PCDHA4: variants seen among roughly 807,000 people sequenced by gnomAD.
The protein encoded by PCDHA4 is protocadherin alpha-4.
PCDHA4 carries 49 observed loss-of-function variants against 61.4 expected under a neutral mutation model. The observed-to-expected ratio is 0.80, with a 90% CI of 0.63 to 1.01. The LOEUF is 1.01. Among genes scored for constraint, PCDHA4 ranks in the 50% least tolerant of loss-of-function variants. The probability of loss-of-function intolerance (pLI) is 0.00; values close to 1 mark genes in which losing one functional copy is unlikely to be tolerated. For missense variants in PCDHA4, 1,254 were observed against 1,235.8 expected (o/e 1.01, Z -0.22); for synonymous variants, 590 against 550.3 (o/e 1.07, Z -1.01).
At chr5:140,850,803 A>T in intron 1 of PCDHA4, 1 of 1,598,380 alleles carries the variant, frequency 6.3e-7, no homozygotes, top group East Asian at 2.2e-5. Flanking sequence ...GACCGACCTC[A>T]TGGCCTTCAG....
At chr5:140,861,759 C>T (rs2047064113) in intron 1 of PCDHA4, 1 of 93,332 alleles carries the variant, frequency 1.1e-5, no homozygotes, top group Non-Finnish European at 2.2e-5. Context: ...GATTATTTTT[C>T]CCTGGAAATA....
chr5:140,870,130 A>T (rs781855370), intron 1 of PCDHA4: 2 of 1,613,866 alleles, frequency 1.2e-6, no homozygotes, highest in East Asian at 4.5e-5. Context: ...CTTGGACACC[A>T]ACGATAACTC....
At chr5:140,987,643 A>G (rs1205279586) in intron 3 of PCDHA4, among the ~76,000 whole-genome samples, 1 of 152,232 alleles carries the variant, frequency 6.6e-6, no homozygotes, top group Non-Finnish European at 1.5e-5. Context: ...ATGCACACAT[A>G]TTGCAGAATC....
chr5:140,838,098 G>T (rs1775538367), intron 1 of PCDHA4, among the ~76,000 whole-genome samples: 1 of 147,360 alleles, frequency 6.8e-6, no homozygotes, highest in African/African-American at 2.6e-5. Flanking sequence ...GTGTGTGTGT[G>T]TGTGTGTGTG....
In PCDHA4 at chr5:140,808,746, T is replaced by G. The variant is rs1581696399; in HGVS notation, c.1559T>G (p.Leu520Arg). The G allele has an allele frequency of 6.2e-7, 1 of 1,612,092 alleles. No individual in the cohort carries two copies. The highest frequency in any genetic ancestry group is 1.7e-5 in the Admixed American group (1 of 60,020). ...GCGGAGAGCGGCAAGGTGTACGCGC[T>G]GCAGCCGCTGGACCACGAGGAGCTA... Reference protein sequence around the residue: ...VHAESGKVYALQPLDHEELEL... With the variant: ...VHAESGKVYARQPLDHEELEL... The change falls in exon 1 of 4, where the codon CTG (leucine) becomes CGG (arginine). Residue 520 changes from leucine (L) to arginine (R), a missense_variant. Transcript: ENST00000530339.
chr5:140,969,351 G>A (rs1554231714), intron 1 of PCDHA4: 1 of 1,612,990 alleles, frequency 6.2e-7, no homozygotes, highest in Non-Finnish European at 8.5e-7. Flanking sequence ...TGGTCAGGGG[G>A]TCTTCTACAA....
chr5:140,850,864 C>T, intron 1 of PCDHA4: 1 of 1,593,486 alleles, frequency 6.3e-7, no homozygotes, highest in Non-Finnish European at 8.6e-7. Context: ...GGAGAACCCT[C>T]TGCTTCCTCA....
intron 1 of PCDHA4, chr5:140,830,140 G>A (rs1305649998): frequency 1.2e-6 from 2 of 1,613,352 alleles, no homozygotes; most frequent in Non-Finnish European, 8.5e-7. Context: ...CACGGGCGTC[G>A]GTGGGCGCCG....
At chr5:141,002,757 A>G (rs1234528731) in intron 3 of PCDHA4, among the ~76,000 whole-genome samples, 1 of 152,224 alleles carries the variant, frequency 6.6e-6, no homozygotes, top group African/African-American at 2.4e-5. Context: ...CAACCCTGTG[A>G]TGTAGACAGG....
chr5:140,993,462 TCACACACACACACACA>T (rs3836747), intron 3 of PCDHA4, among the ~76,000 whole-genome samples: 191 of 141,044 alleles, frequency 1.4e-3, no homozygotes, highest in African/African-American at 3.8e-3. Context: ...TCTTTCTTTC[TCACACACACACACACA>T]CACACACACA....
chr5:140,866,884 T>C (rs1016288169), intron 1 of PCDHA4: 1 of 152,130 alleles, frequency 6.6e-6, no homozygotes, highest in Non-Finnish European at 1.5e-5. Flanking sequence ...TATTAGCCTA[T>C]ACCCAGATAT....
chr5:140,876,653 C>T (rs781890773), intron 1 of PCDHA4: 8 of 1,614,082 alleles, frequency 5.0e-6, no homozygotes, highest in Non-Finnish European at 6.8e-6. Context: ...CCTCATGTTC[C>T]CTTCAAGCTG....
chr5:140,879,126 G>T (rs2057860982), intron 1 of PCDHA4, among the ~76,000 whole-genome samples: 2 of 152,182 alleles, frequency 1.3e-5, no homozygotes, highest in Admixed American at 1.3e-4. Context: ...GATTAGAGCA[G>T]GGGAGATTGT....
intron 1 of PCDHA4, chr5:140,927,458 AAG>A: frequency 6.2e-7 from 1 of 1,614,124 alleles, no homozygotes; most frequent in Non-Finnish European, 8.5e-7. Context: ...GTGTTGGAGA[AAG>A]CACTGGATCG....
At chr5:140,845,127 A>G (rs1183874019) in intron 1 of PCDHA4, among the ~76,000 whole-genome samples, 4 of 149,560 alleles carry the variant, frequency 2.7e-5, no homozygotes, top group Non-Finnish European at 6.0e-5. Flanking sequence ...TTAGCATTTT[A>G]TTTGACTATT....
intron 1 of PCDHA4, among the ~76,000 whole-genome samples, chr5:140,891,819 G>A (rs1282245838): frequency 6.6e-6 from 1 of 152,216 alleles, no homozygotes. Flanking sequence ...ATAAATTAAC[G>A]GCACTGTAAA....
chr5:140,876,155 T>C lies in PCDHA4; in HGVS notation c.2385+66583T>C, dbSNP rs1554168308. Reference sequence around the variant, plus strand: ...CCAGAACTAACAGGGTCTGTCCAGATTCAAATAACCGTCCTGGATGTGAAT... The same window carrying C: ...CCAGAACTAACAGGGTCTGTCCAGACTCAAATAACCGTCCTGGATGTGAAT... On this transcript the variant is annotated intron_variant, in intron 1 of 3. Coordinates refer to ENST00000530339, the MANE Select transcript of PCDHA4 (RefSeq NM_018907.4). 3 of 1,613,994 alleles carry C rather than the reference T, an allele frequency of 1.9e-6. No homozygotes were observed. Among genetic ancestry groups the C allele is most frequent in the Admixed American group, 3.3e-5 (2 of 60,026 alleles).
At chr5:140,821,299 A>G (rs1290042518) in intron 1 of PCDHA4, among the ~76,000 whole-genome samples, 1 of 152,208 alleles carries the variant, frequency 6.6e-6, no homozygotes, top group Non-Finnish European at 1.5e-5. Context: ...TCCTCCCTAT[A>G]TAAAATACAC....
rs2150289846 is a variant in PCDHA4, at chr5:140,838,476, G to A, written c.2385+28904G>A. On this transcript the variant is annotated intron_variant, in intron 1 of 3. Transcript: ENST00000530339. ...ATTATTTCATTAGCGCTTATTCCTT[G>A]TTTTTGATTATTTGCTTTCTTATTT... Among the ~76,000 whole-genome samples, 461 of 151,412 alleles carry A rather than the reference G, an allele frequency of 3.0e-3. 6 individuals carry two copies. Among genetic ancestry groups the A allele is most frequent in the Middle Eastern group, 0.014 (4 of 294 alleles).
Sources: allele counts gnomAD v4.1 joint callset (sites outside exome capture counted in the v4.1 genomes callset), GRCh38; gene constraint gnomAD v4.1.1; transcripts MANE v1.5; gene names NCBI Gene and HGNC (gene_info 2026-07-23, HGNC 2026-07-21).